The following DMD variants were observed in gnomAD, a reference collection of about 807,000 sequenced individuals.
DMD encodes mutant dystrophin.
Under a neutral mutation model 330.1 loss-of-function variants are expected in DMD, and 63 were observed. That is an observed-to-expected ratio of 0.19 (90% CI 0.16 to 0.24). DMD has a LOEUF of 0.24. Ranked by LOEUF, DMD falls within the 10% of genes least tolerant of loss-of-function variation. The probability of loss-of-function intolerance (pLI) is 1.00; values close to 1 mark genes in which losing one functional copy is unlikely to be tolerated. For missense variants in DMD, 3,344 were observed against 2,684.1 expected, an observed-to-expected ratio of 1.25 and a Z score of -5.43; for synonymous variants, 1,223 against 959.8, an observed-to-expected ratio of 1.27 and a Z score of -5.07.
At chrX:31,933,855 A>T (rs1328174103) in intron 45 of DMD, among the ~76,000 whole-genome samples, 1 of 111,885 alleles carries the variant, frequency 8.9e-6, no homozygotes, top group East Asian at 2.8e-4. Context: ...CATGTTGCAT[A>T]TAATTTTAGT....
chrX:31,578,246 G>A (rs984287425), intron 55 of DMD, among the ~76,000 whole-genome samples: 3 of 111,904 alleles, frequency 2.7e-5, no homozygotes, highest in Non-Finnish European at 5.6e-5. Context: ...TTGAAGTATA[G>A]GCAAGACAGG....
At chrX:31,497,586 T>G (rs1285594657) in intron 56 of DMD, among the ~76,000 whole-genome samples, 1 of 111,961 alleles carries the variant, frequency 8.9e-6, no homozygotes, top group African/African-American at 3.2e-5. Flanking sequence ...AATCAGACAT[T>G]TATCTGAAAG....
At chrX:31,154,530 G>A (rs1202660911) in intron 74 of DMD, among the ~76,000 whole-genome samples, 2 of 109,206 alleles carry the variant, frequency 1.8e-5, no homozygotes, top group Non-Finnish European at 3.8e-5. Flanking sequence ...TCCTGACCTC[G>A]TGATCCGCCT....
At chrX:31,744,185 T>G (rs775315047) in intron 51 of DMD, among the ~76,000 whole-genome samples, 3 of 112,087 alleles carry the variant, frequency 2.7e-5, no homozygotes, top group Non-Finnish European at 5.6e-5. Flanking sequence ...CCATCTCATA[T>G]GAGTGCAGTT....
intron 1 of DMD, among the ~76,000 whole-genome samples, chrX:33,170,006 C>T (rs892569753): frequency 1.8e-5 from 2 of 111,254 alleles, no homozygotes; most frequent in African/African-American, 6.5e-5. Context: ...CTGAAAAGTA[C>T]ATTGGCTAAT....
intron 1 of DMD, among the ~76,000 whole-genome samples, chrX:33,100,161 G>A (rs1213523199): frequency 9.0e-6 from 1 of 111,005 alleles, no homozygotes; most frequent in Non-Finnish European, 1.9e-5. Context: ...TTCTTACAAG[G>A]GGCACACCAA....
intron 55 of DMD, among the ~76,000 whole-genome samples, chrX:31,572,045 C>T (rs2075849125): frequency 9.0e-6 from 1 of 110,548 alleles, no homozygotes; most frequent in Admixed American, 9.7e-5. Flanking sequence ...GGCTTAATAC[C>T]TCGGTGGTGA....
chrX:32,121,494 C>T (rs1360688232), intron 44 of DMD, among the ~76,000 whole-genome samples: 1 of 106,051 alleles, frequency 9.4e-6, no homozygotes, highest in African/African-American at 3.4e-5. Context: ...ATTCCTGCTG[C>T]CTGTGGACTG....
At chrX:33,185,471 C>T (rs1366139665) in intron 1 of DMD, among the ~76,000 whole-genome samples, 4 of 111,271 alleles carry the variant, frequency 3.6e-5, no homozygotes, top group African/African-American at 1.3e-4. Context: ...ATTCACACTC[C>T]CCCAGGGTTC....
At chrX:31,906,466 T>G (rs2149838784) in intron 47 of DMD, among the ~76,000 whole-genome samples, 1 of 112,437 alleles carries the variant, frequency 8.9e-6, no homozygotes, top group East Asian at 2.8e-4. Flanking sequence ...AATTGTACAC[T>G]TTCATCTACA....
chrX:33,201,549 G>T (rs1028102143), intron 1 of DMD, among the ~76,000 whole-genome samples: 1 of 111,213 alleles, frequency 9.0e-6, no homozygotes, highest in African/African-American at 3.3e-5. Flanking sequence ...AATAGTCCAC[G>T]TTACTGGTAC....
chrX:31,780,843 T>C (rs2090971451), intron 50 of DMD, among the ~76,000 whole-genome samples: 1 of 111,623 alleles, frequency 9.0e-6, no homozygotes, highest in African/African-American at 3.3e-5. Flanking sequence ...ACACCTAACA[T>C]CAATAATTCT....
rs774642145 is a variant in DMD, at chrX:32,464,737, T to C, written c.3163-38A>G. On this transcript the variant is annotated intron_variant, in intron 23 of 78. Coordinates refer to ENST00000357033, the MANE Select transcript of DMD (RefSeq NM_004006.3). The stretch of plus-strand genomic sequence containing the variant: ...CCGTTATAAGGCATTACTGGTGTGC[T>C]GATTACTTTTAACACAATTCATCAT... The C allele has an allele frequency of 3.1e-6, 3 of 959,467 alleles. No individual in the cohort carries two copies. The Admixed American group carries it at 6.6e-5, about 21-fold the overall frequency. 79.1% of individuals were successfully genotyped at this position (959,467 alleles called of 1,213,427 possible).
chrX:32,847,845 T>C (rs937333396), intron 3 of DMD, among the ~76,000 whole-genome samples: 11 of 112,489 alleles, frequency 9.8e-5, no homozygotes, highest in African/African-American at 3.2e-4. Context: ...TATGTATGTA[T>C]ATGCATAAAT....
intron 4 of DMD, among the ~76,000 whole-genome samples, chrX:32,840,520 A>G (rs2080069885): frequency 9.0e-6 from 1 of 111,509 alleles, no homozygotes; most frequent in Non-Finnish European, 1.9e-5. Context: ...CAGTAAATAC[A>G]CATGTGTAAC....
intron 1 of DMD, among the ~76,000 whole-genome samples, chrX:33,335,432 C>A (rs1378168386): frequency 2.7e-5 from 3 of 110,355 alleles, no homozygotes; most frequent in African/African-American, 9.9e-5. Context: ...CCAACAAAAT[C>A]AGTAAGATTT....
chrX:31,556,448 T>C (rs1254331548), intron 55 of DMD, among the ~76,000 whole-genome samples: 1 of 107,493 alleles, frequency 9.3e-6, no homozygotes, highest in East Asian at 2.9e-4. Context: ...ATGAAGATCA[T>C]TCGTTGAATT....
intron 26 of DMD, among the ~76,000 whole-genome samples, chrX:32,449,481 C>T (rs756345473): frequency 4.5e-5 from 5 of 109,984 alleles, no homozygotes; most frequent in Non-Finnish European, 9.6e-5. Context: ...GGACAAGATA[C>T]GATACCCATA....
At chrX:31,136,579 A>T (rs1306107179) in intron 76 of DMD, among the ~76,000 whole-genome samples, 2 of 111,996 alleles carry the variant, frequency 1.8e-5, no homozygotes, top group Non-Finnish European at 3.8e-5. Context: ...AACCAAGAGA[A>T]CATCATGAAC....
Sources: allele counts gnomAD v4.1 joint callset (sites outside exome capture counted in the v4.1 genomes callset), GRCh38; gene constraint gnomAD v4.1.1; transcripts MANE v1.5; gene names NCBI Gene and HGNC (gene_info 2026-07-23, HGNC 2026-07-21).